Variants in CALN1 observed in about 807,000 individuals in gnomAD.
The protein encoded by CALN1 is calcium-binding protein 8.
A neutral mutation model predicts 30.6 loss-of-function variants in CALN1; 17 were observed. The observed-to-expected ratio is 0.56, with a 90% CI of 0.38 to 0.83. The LOEUF (loss-of-function observed/expected upper bound fraction) is 0.83. CALN1 is among the 40% of genes least tolerant of loss of function. CALN1 has a pLI of 0.00. For missense variants in CALN1, 291 were observed against 354.9 expected (o/e 0.82, Z 1.45); for synonymous variants, 156 against 131.4 (o/e 1.19, Z -1.28).
At chr7:72,088,900 T>C (rs1482840818) in intron 4 of CALN1, among the ~76,000 whole-genome samples, 1 of 152,112 alleles carries the variant, frequency 6.6e-6, no homozygotes, top group African/African-American at 2.4e-5. Flanking sequence ...TCAGATTTAA[T>C]ACTAAGAGGA....
intron 5 of CALN1, among the ~76,000 whole-genome samples, chr7:71,846,539 T>TGC (rs1790247096): frequency 6.6e-6 from 1 of 151,986 alleles, no homozygotes; most frequent in Non-Finnish European, 1.5e-5. Context: ...CGCGTGCGTG[T>TGC]GTGTGTATAG....
intron 5 of CALN1, among the ~76,000 whole-genome samples, chr7:72,001,093 A>G (rs1284970252): frequency 6.6e-6 from 1 of 152,228 alleles, no homozygotes; most frequent in Non-Finnish European, 1.5e-5. Flanking sequence ...ACTAAATAAC[A>G]GTAATTGGTT....
chr7:72,155,504 AAGAG>A (rs1554458450), intron 3 of CALN1, among the ~76,000 whole-genome samples: 1 of 151,520 alleles, frequency 6.6e-6, no homozygotes, highest in African/African-American at 2.4e-5. Flanking sequence ...AAAAAAAAAA[AAGAG>A]AGAGAGAAAA....
chr7:72,196,119 CT>C (rs879574482), intron 3 of CALN1, among the ~76,000 whole-genome samples: 213 of 143,092 alleles, frequency 1.5e-3, no homozygotes, highest in Middle Eastern at 3.6e-3. Flanking sequence ...TTTTTCTTTT[CT>C]TTTTTTTTTT....
intron 2 of CALN1, among the ~76,000 whole-genome samples, chr7:72,345,200 A>C (rs1802575815): frequency 6.6e-6 from 1 of 150,888 alleles, no homozygotes; most frequent in Admixed American, 6.6e-5. Flanking sequence ...ACAGGCATAG[A>C]AGGAAAAGGA....
chr7:72,126,399 G>T (rs1045473615), intron 3 of CALN1, among the ~76,000 whole-genome samples: 2 of 152,076 alleles, frequency 1.3e-5, no homozygotes, highest in African/African-American at 4.8e-5. Flanking sequence ...CCAGCAACTG[G>T]AAGAAAGATC....
intron 2 of CALN1, among the ~76,000 whole-genome samples, chr7:72,345,041 A>G (rs1406539778): frequency 4.7e-5 from 7 of 148,086 alleles, no homozygotes; most frequent in African/African-American, 9.8e-5. Context: ...CATGTTATAT[A>G]TTATATCGTA....
chr7:71,889,893 A>G (rs1793137404), intron 5 of CALN1, among the ~76,000 whole-genome samples: 1 of 151,140 alleles, frequency 6.6e-6, no homozygotes, highest in African/African-American at 2.4e-5. Flanking sequence ...TGAACCTGGG[A>G]GGCAGAGGGT....
chr7:72,465,536 C>A, the CALN1 span, among the ~76,000 whole-genome samples: 2 of 152,186 alleles, frequency 1.3e-5, no homozygotes, highest in Non-Finnish European at 2.9e-5. Flanking sequence ...CTGACTGCTG[C>A]AGCCAGGAGA....
At chr7:72,499,613 T>C in the CALN1 span, among the ~76,000 whole-genome samples, 1 of 152,114 alleles carries the variant, frequency 6.6e-6, no homozygotes, top group Non-Finnish European at 1.5e-5. Context: ...ATGCAAATAA[T>C]TGTTCCTTGG....
chr7:72,024,733 C>T (rs1800940971), intron 4 of CALN1, among the ~76,000 whole-genome samples: 1 of 152,022 alleles, frequency 6.6e-6, no homozygotes, highest in Admixed American at 6.6e-5. Context: ...AGGGATACCA[C>T]CTCAGCATAG....
At chr7:72,303,365 C>T (rs1799426433) in intron 2 of CALN1, among the ~76,000 whole-genome samples, 1 of 151,986 alleles carries the variant, frequency 6.6e-6, no homozygotes, top group Admixed American at 6.6e-5. Context: ...GAGTTCAAGA[C>T]CAGCCTGACC....
chr7:71,831,871 CAAAAAAA>C (rs751078568), intron 5 of CALN1, among the ~76,000 whole-genome samples: 4 of 20,880 alleles, frequency 1.9e-4, no homozygotes, highest in Non-Finnish European at 3.9e-4. Flanking sequence ...AACCCTGCCT[CAAAAAAA>C]AAAAAAAAAA....
intron 4 of CALN1, among the ~76,000 whole-genome samples, chr7:72,026,968 C>T (rs1801100309): frequency 6.6e-6 from 1 of 152,172 alleles, no homozygotes; most frequent in Admixed American, 6.5e-5. Context: ...ATCACCTCCA[C>T]TAGTCACAGG....
intron 2 of CALN1, among the ~76,000 whole-genome samples, chr7:72,311,148 A>T (rs1800017994): frequency 6.6e-6 from 1 of 152,090 alleles, no homozygotes. Context: ...CAACGCAAAG[A>T]TGATGAGGAT....
At chr7:71,959,274 C>T (rs1797118230) in intron 5 of CALN1, among the ~76,000 whole-genome samples, 1 of 152,188 alleles carries the variant, frequency 6.6e-6, no homozygotes, top group Admixed American at 6.5e-5. Context: ...CATAATGTGG[C>T]TAGCAACATT....
chr7:72,142,017 C>A (rs948149651), intron 3 of CALN1, among the ~76,000 whole-genome samples: 3 of 152,182 alleles, frequency 2.0e-5, no homozygotes, highest in Non-Finnish European at 2.9e-5. Flanking sequence ...CGAATAGGAA[C>A]AGCTCCAGTC....
At chr7:72,089,548 A>G (rs984510319) in intron 4 of CALN1, among the ~76,000 whole-genome samples, 2 of 152,190 alleles carry the variant, frequency 1.3e-5, no homozygotes, top group Non-Finnish European at 2.9e-5. Flanking sequence ...ACCCCTAACA[A>G]AATCACAGAA....
chr7:72,325,739 T>C (rs1801228390), intron 2 of CALN1, among the ~76,000 whole-genome samples: 2 of 152,122 alleles, frequency 1.3e-5, no homozygotes, highest in Admixed American at 6.5e-5. Context: ...AAACCACCCA[T>C]CTCTGCTGAG....
Sources: allele counts gnomAD v4.1 joint callset (sites outside exome capture counted in the v4.1 genomes callset), GRCh38; gene constraint gnomAD v4.1.1; transcripts MANE v1.5; gene names NCBI Gene and HGNC (gene_info 2026-07-23, HGNC 2026-07-21).